The following RFT1 variants were observed in gnomAD, a reference collection of about 807,000 sequenced individuals.
RFT1 encodes RFT1 glycolipid translocator homolog.
Under a neutral mutation model 62.2 loss-of-function variants are expected in RFT1, and 43 were observed. The observed-to-expected ratio is 0.69, with a 90% confidence interval of 0.54 to 0.89. RFT1 has a LOEUF of 0.89. Among genes scored for constraint, RFT1 ranks in the 40% least tolerant of loss-of-function variants. The probability of loss-of-function intolerance (pLI) is 0.00; values close to 1 mark genes in which losing one functional copy is unlikely to be tolerated. For synonymous variants in RFT1, 262 were observed against 264.6 expected, an observed-to-expected ratio of 0.99 and a Z score of 0.10; for missense variants, 605 against 649.9, an observed-to-expected ratio of 0.93 and a Z score of 0.75.
At chr3:53,077,276 G>T in the RFT1 span, among the ~76,000 whole-genome samples, 1 of 152,236 alleles carries the variant, frequency 6.6e-6, no homozygotes, top group East Asian at 1.9e-4. Context: ...CTACACTAGG[G>T]TCTGTCTGTG....
At chr3:53,079,729 C>T in the RFT1 span, among the ~76,000 whole-genome samples, 2 of 152,192 alleles carry the variant, frequency 1.3e-5, no homozygotes, top group South Asian at 2.1e-4. Flanking sequence ...AAGAAAAAGA[C>T]AGCACCCTCT....
In RFT1 at chr3:53,091,258, G is replaced by A. The variant is rs115646874; in HGVS notation, c.*645C>T. The A allele has an allele frequency of 1.3e-3, 198 of 155,668 alleles. 1 individual carries two copies. The highest frequency in any genetic ancestry group is 1.6e-3 in the Non-Finnish European group (114 of 70,082). The allele number at this position is 155,668 out of a possible 1,614,324, so 9.6% of individuals were successfully genotyped here. ...CAAGTATGTGCTGACCTGGGGCGGC[G>A]GGGAACAGTGTGATCACGACAGGCA... On this transcript the variant is annotated 3_prime_UTR_variant, in exon 13 of 13. Coordinates refer to ENST00000296292, the MANE Select transcript of RFT1 (RefSeq NM_052859.4).
At chr3:53,104,687 T>C (rs1399469744) in intron 9 of RFT1, among the ~76,000 whole-genome samples, 2 of 152,266 alleles carry the variant, frequency 1.3e-5, no homozygotes, top group Non-Finnish European at 2.9e-5. Context: ...CATTTTGAGA[T>C]ATTGTGCATA....
At chr3:53,083,323 GC>G in the RFT1 span, among the ~76,000 whole-genome samples, 1 of 149,954 alleles carries the variant, frequency 6.7e-6, no homozygotes, top group African/African-American at 2.5e-5. Context: ...ACCAGTCTGG[GC>G]AACATAGTGA....
At chr3:53,096,835 C>T (rs1184008522) in intron 11 of RFT1, among the ~76,000 whole-genome samples, 1 of 152,144 alleles carries the variant, frequency 6.6e-6, no homozygotes, top group Non-Finnish European at 1.5e-5. Context: ...ACCTCCGCTT[C>T]CCAGGTTCAA....
At chr3:53,103,133 T>C (rs1366563460) in intron 10 of RFT1, 4 of 985,286 alleles carry the variant, frequency 4.1e-6, no homozygotes, top group Non-Finnish European at 4.8e-6. Flanking sequence ...CTTCCTCCCC[T>C]AACACCAAAA....
At chr3:53,070,394 T>TG in the RFT1 span, among the ~76,000 whole-genome samples, 11 of 18,666 alleles carry the variant, frequency 5.9e-4, no homozygotes, top group Admixed American at 8.0e-3. Context: ...TGTATTATGG[T>TG]TTTTTTTTTT....
chr3:53,087,423 C>T (rs1016726444), downstream of RFT1, among the ~76,000 whole-genome samples: 4 of 152,286 alleles, frequency 2.6e-5, no homozygotes, highest in South Asian at 4.2e-4. Flanking sequence ...TCCCACCGTC[C>T]GGGCCTGCCC....
Position 53,120,026 on chromosome 3 carries a change from G to GA in RFT1, c.559-6dup, listed in dbSNP as rs1277722803. ...CAGAACTGTGGTATAGAAAAGCTGA[G>GA]AAAAAAAATAAACTGTTTTAATAAA... On this transcript the variant is annotated splice_region_variant and splice_polypyrimidine_tract_variant and intron_variant, in intron 5 of 12. Coordinates refer to ENST00000296292, the MANE Select transcript of RFT1 (RefSeq NM_052859.4). 6.3e-6 allele frequency: 10 copies of GA among 1,581,620 alleles called. No individual in the cohort carries two copies. The highest frequency in any genetic ancestry group is 5.9e-5 in the Admixed American group (3 of 51,074).
chr3:53,080,485 G>T, the RFT1 span, among the ~76,000 whole-genome samples: 4 of 152,210 alleles, frequency 2.6e-5, no homozygotes, highest in Non-Finnish European at 4.4e-5. Context: ...AGAGGGTAAA[G>T]CAATGTTTCC....
rs555227282 is a variant in RFT1, at chr3:53,099,386, G to A, written c.1203C>T (p.Val401=). The A allele has an allele frequency of 5.0e-6, 8 of 1,613,308 alleles. No homozygotes were observed. The highest frequency in any genetic ancestry group is 1.6e-4 in the Middle Eastern group (1 of 6,062). ...GTACCTGCTAGGTTACCCACCTGTC[G>A]ACCTCCTCTTTGCTCATGGCAGCAA... The part of the protein sequence containing the change: ...FTFAAMSKEE[V]DRYNFVMLAL... The change falls in exon 11 of 13, where the codon GTC becomes GTT. Residue 401 remains valine, a synonymous_variant. Coordinates refer to ENST00000296292, the MANE Select transcript of RFT1 (RefSeq NM_052859.4).
chr3:53,092,944 C>T (rs1226542600), intron 11 of RFT1, among the ~76,000 whole-genome samples: 1 of 152,174 alleles, frequency 6.6e-6, no homozygotes. Context: ...GGTAATTAGA[C>T]ATTGGATGCT....
the RFT1 span, among the ~76,000 whole-genome samples, chr3:53,083,157 C>T: frequency 4.1e-5 from 6 of 146,114 alleles, no homozygotes; most frequent in African/African-American, 1.0e-4. Flanking sequence ...CCTGAGATTG[C>T]GCCACTGCAC....
intron 11 of RFT1, among the ~76,000 whole-genome samples, chr3:53,098,377 G>A (rs1486704687): frequency 1.3e-5 from 2 of 152,014 alleles, no homozygotes; most frequent in Non-Finnish European, 2.9e-5. Context: ...TCTTTTACAT[G>A]AGCCAGCGCA....
the RFT1 span, among the ~76,000 whole-genome samples, chr3:53,079,930 G>A: frequency 0.013 from 1,936 of 144,806 alleles, 114 homozygotes; most frequent in South Asian, 0.17. Flanking sequence ...TGGTGGGTGA[G>A]GCCATGTGGG....
chr3:53,075,118 T>C, the RFT1 span, among the ~76,000 whole-genome samples: 1 of 152,114 alleles, frequency 6.6e-6, no homozygotes, highest in African/African-American at 2.4e-5. Flanking sequence ...CTCCAGAACA[T>C]CCCCACCACA....
chr3:53,129,696 A>C (rs974517855), intron 1 of RFT1, among the ~76,000 whole-genome samples: 1 of 152,244 alleles, frequency 6.6e-6, no homozygotes, highest in Admixed American at 6.5e-5. Context: ...GACTTGTCCA[A>C]GATCACATAA....
chr3:53,118,568 T>C (rs1225352027), intron 6 of RFT1, among the ~76,000 whole-genome samples: 1 of 152,202 alleles, frequency 6.6e-6, no homozygotes, highest in East Asian at 1.9e-4. Flanking sequence ...CATATTTTAC[T>C]ACTTTTTCAA....
At chr3:53,114,995 C>T (rs1055859792) in intron 6 of RFT1, among the ~76,000 whole-genome samples, 1 of 152,196 alleles carries the variant, frequency 6.6e-6, no homozygotes, top group Non-Finnish European at 1.5e-5. Context: ...ACTCCTTCCT[C>T]TCCCTCTTGC....
Sources: allele counts gnomAD v4.1 joint callset (sites outside exome capture counted in the v4.1 genomes callset), GRCh38; gene constraint gnomAD v4.1.1; transcripts MANE v1.5; gene names NCBI Gene and HGNC (gene_info 2026-07-23, HGNC 2026-07-21).